Variants in GGA3 observed in about 807,000 individuals in gnomAD.
The protein encoded by GGA3 is golgi associated, gamma adaptin ear containing, ARF binding protein 3, also known as ADP-ribosylation factor-binding protein GGA3.
In GGA3, 57 loss-of-function variants were observed where a neutral mutation model predicts 77.5. The observed-to-expected ratio is 0.74, with a 90% CI of 0.59 to 0.92. GGA3 has a LOEUF of 0.92. Ranked by LOEUF, GGA3 falls within the 40% of genes least tolerant of loss-of-function variation. The probability of loss-of-function intolerance (pLI) is 0.00; values close to 1 mark genes in which losing one functional copy is unlikely to be tolerated. For synonymous variants in GGA3, 416 were observed against 383.7 expected (o/e 1.08, Z -0.98); for missense variants, 970 against 914.9 (o/e 1.06, Z -0.78).
At chr17:75,248,801 C>CAAAA in intron 1 of GGA3, 1 of 761,278 alleles carries the variant, frequency 1.3e-6, no homozygotes, top group Non-Finnish European at 1.4e-6. Context: ...AAAACAAAAA[C>CAAAA]AAAAACAAAA....
At position 75,237,905 on chromosome 17, in the gene GGA3, C is replaced by T; in HGVS notation, c.*374G>A. 1 of 1,328,982 alleles carries T rather than the reference C, an allele frequency of 7.5e-7. No homozygotes were observed. The highest frequency in any genetic ancestry group is 9.6e-7 in the Non-Finnish European group (1 of 1,041,382). The allele number at this position is 1,328,982 out of a possible 1,614,324, so 82.3% of individuals were successfully genotyped here. On this transcript the variant is annotated 3_prime_UTR_variant, in exon 17 of 17. Coordinates refer to ENST00000537686, the MANE Select transcript of GGA3 (RefSeq NM_138619.4). The stretch of plus-strand genomic sequence containing the variant: ...TGTGGGGAATGACCCATGACAGTCT[C>T]TCTTTAGAGACTCCCACCCCCCACC...
At chr17:75,243,717 TG>T in intron 4 of GGA3, 147 bp from the exon 5 acceptor site, 1 of 731,288 alleles carries the variant, frequency 1.4e-6, no homozygotes, top group Non-Finnish European at 2.2e-6. Context: ...TGAGACAGCG[TG>T]GGGAGGGGAA....
At chr17:75,261,959 G>T (rs774900439), upstream of GGA3, 1 of 1,607,286 alleles carries the variant, frequency 6.2e-7, no homozygotes, top group Admixed American at 1.7e-5. Context: ...TTGGGCGTGC[G>T]GCGGGCTGTC....
Position 75,239,992 on chromosome 17 carries a change from T to C in GGA3, c.1380A>G (p.Pro460=), listed in dbSNP as rs1269879560. Residue 460 remains proline (P), a synonymous_variant, in exon 13 of 17, where the codon CCA becomes CCG. Transcript: ENST00000537686. ...CAGGAGCTGGGAAGGGAGGCGGCAG[T>C]GGAGCTTGGGAGCTGCTTGAGGAGG... The part of the protein sequence containing the change: ...SAPSSSSSQA[P]LPPPFPAPVV... 10 of 1,555,938 alleles carry C rather than the reference T, an allele frequency of 6.4e-6. No individual in the cohort carries two copies. The highest frequency in any genetic ancestry group is 1.2e-5 in the South Asian group (1 of 84,908).
Position 75,238,744 on chromosome 17 carries a change from G to C in GGA3, c.1969C>G (p.Gln657Glu), listed in dbSNP as rs1427164025. The change falls in exon 16 of 17, where the codon CAG becomes GAG. Residue 657 changes from glutamine to glutamate, a missense_variant. Transcript: ENST00000537686. ...AVPKSMKVKL[Q>E]PPSGTELSPF... ...GAGAGTTCTGTCCCAGAAGGTGGCT[G>C]CAACTTCACTTTCATTGACTAAAGA... The C allele has an allele frequency of 1.9e-6, 3 of 1,613,122 alleles. No individual in the cohort carries two copies. The East Asian group carries it at 6.7e-5, about 36-fold the overall frequency.
chr17:75,243,300 A>T, intron 5 of GGA3, 134 bp from the exon 6 acceptor site: 2 of 1,154,930 alleles, frequency 1.7e-6, no homozygotes, highest in Non-Finnish European at 2.5e-6. Context: ...GCTACACCTT[A>T]TCCCATCCAA....
Position 75,244,615 on chromosome 17 carries a change from T to A in GGA3, c.300+4A>T. The stretch of plus-strand genomic sequence containing the variant: ...TAAAAGCGAGGAATCTGCCGCTGAC[T>A]GACCTTTGGAGAGACGACTTTGATT... On this transcript the variant is annotated splice_donor_region_variant and intron_variant, in intron 4 of 16. Coordinates refer to ENST00000537686, the MANE Select transcript of GGA3 (RefSeq NM_138619.4). 6.3e-7 allele frequency: 1 copy of A among 1,592,212 alleles called. No individual in the cohort carries two copies. The highest frequency in any genetic ancestry group is 2.2e-5 in the East Asian group (1 of 44,808).
rs759500242 is a variant in GGA3 at position 75,242,434 on chromosome 17, T to C, written c.649A>G (p.Thr217Ala). ...RIQKVTKRLHTLEEVNNNVRL... is the reference protein window; with the variant it reads ...RIQKVTKRLHALEEVNNNVRL... ...ACGTTGTTGTTAACTTCCTCTAACG[T>C]GTGCAGACGCTTGGTCACCTTCTGG... is the stretch of plus-strand genomic sequence containing the variant. The change falls in exon 8 of 17, where the codon ACG becomes GCG. Residue 217 changes from threonine (T) to alanine (A), a missense_variant. Coordinates refer to ENST00000537686, the MANE Select transcript of GGA3 (RefSeq NM_138619.4). 2.5e-6 allele frequency: 4 copies of C among 1,614,040 alleles called. No individual in the cohort carries two copies. In the Admixed American group the frequency reaches 6.7e-5, roughly 27 times the overall value.
In GGA3 at chr17:75,238,076, A is replaced by T. The variant is rs1212279860; in HGVS notation, c.*203T>A. The T allele has an allele frequency of 7.2e-7, 1 of 1,382,778 alleles. No individual in the cohort carries two copies. Among genetic ancestry groups the T allele is most frequent in the Non-Finnish European group, 9.3e-7 (1 of 1,071,260 alleles). The allele number at this position is 1,382,778 out of a possible 1,614,324, so 85.7% of individuals were successfully genotyped here. A position where few individuals can be genotyped will look rare whatever the true frequency, so the allele number is the denominator to read the frequency against. On this transcript the variant is annotated 3_prime_UTR_variant, in exon 17 of 17. Transcript: ENST00000537686. ...TATGGCCACTTCAAGTCACACAGGT[A>T]GATAAAAACAGGTCCTTTTAGGGGC...
intron 2 of GGA3, 25 bp from the exon 3 acceptor site, chr17:75,246,609 C>T (rs1168667294): frequency 1.2e-6 from 2 of 1,608,608 alleles, no homozygotes; most frequent in Admixed American, 3.3e-5. Flanking sequence ...GAACACACTC[C>T]AGTGCACTAA....
rs2076354658 is a variant in GGA3, at chr17:75,237,390, G to C, written c.*889C>G. ...ATGCCATCTGGTGAGAGGAGAGGGA[G>C]GCCAAAGCAGTAGGATGTAGAGTGG... On this transcript the variant is annotated 3_prime_UTR_variant, in exon 17 of 17. Transcript: ENST00000537686. 2.5e-6 allele frequency: 3 copies of C among 1,184,240 alleles called. No homozygotes were observed. The highest frequency in any genetic ancestry group is 4.0e-5 in the Admixed American group (2 of 50,502). 73.4% of individuals were successfully genotyped at this position (1,184,240 alleles called of 1,614,324 possible).
intron 1 of GGA3, among the ~76,000 whole-genome samples, chr17:75,258,754 T>TC (rs1163490312): frequency 6.6e-6 from 1 of 151,730 alleles, no homozygotes; most frequent in Non-Finnish European, 1.5e-5. Context: ...AGCCTTATCT[T>TC]CCCTCATTCC....
chr17:75,242,414 G>A lies in GGA3; in HGVS notation c.669C>T (p.Asn223=), dbSNP rs746876799. The A allele has an allele frequency of 1.2e-6, 2 of 1,614,054 alleles. No individual in the cohort carries two copies. The highest frequency in any genetic ancestry group is 2.2e-5 in the South Asian group (2 of 91,078). ...KRLHTLEEVN[N]NVRLLSEMLL... ...GCATCTCACTGAGCAGTCTCACGTT[G>A]TTGTTAACTTCCTCTAACGTGTGCA... The change falls in exon 8 of 17, where the codon AAC becomes AAT. Residue 223 remains asparagine (N), a synonymous_variant. Transcript: ENST00000537686.
Position 75,237,238 on chromosome 17 carries a change from C to T in GGA3, c.*1041G>A. Reference sequence around the variant, plus strand: ...ATCTCATCACCTCCAGACCCAACATCTCGCTGACAGTGCCCCTCAGTAGCT... The same window carrying T: ...ATCTCATCACCTCCAGACCCAACATTTCGCTGACAGTGCCCCTCAGTAGCT... On this transcript the variant is annotated 3_prime_UTR_variant, in exon 17 of 17. Transcript: ENST00000537686. 1 of 597,032 alleles carries T rather than the reference C, an allele frequency of 1.7e-6. No homozygotes were observed. Among genetic ancestry groups the T allele is most frequent in the Non-Finnish European group, 3.0e-6 (1 of 334,184 alleles). The allele number at this position is 597,032 out of a possible 1,614,324, so 37.0% of individuals were successfully genotyped here.
At chr17:75,243,598 A>C in intron 4 of GGA3, 28 bp from the exon 5 acceptor site, 1 of 1,611,536 alleles carries the variant, frequency 6.2e-7, no homozygotes, top group Non-Finnish European at 8.5e-7. Context: ...ATGAGGACCT[A>C]GTAAGTGCAG....
At position 75,242,493 on chromosome 17, in the gene GGA3, C is replaced by A; in HGVS notation, c.610-20G>T. 1 of 1,614,080 alleles carries A rather than the reference C, an allele frequency of 6.2e-7. No individual in the cohort carries two copies. Among genetic ancestry groups the A allele is most frequent in the Non-Finnish European group, 8.5e-7 (1 of 1,179,950 alleles). On this transcript the variant is annotated intron_variant, in intron 7 of 16. Coordinates refer to ENST00000537686, the MANE Select transcript of GGA3 (RefSeq NM_138619.4). ...CTCGTCCTGCCCCAGTGAAGAAGTT[C>A]AAGAGAAAGAGAGCGTCACTTGACT...
At chr17:75,253,741 G>T (rs550365958) in intron 1 of GGA3, among the ~76,000 whole-genome samples, 23 of 152,002 alleles carry the variant, frequency 1.5e-4, no homozygotes, top group Non-Finnish European at 2.8e-4. Context: ...TTTTCTGGAG[G>T]GTAAGAACCC....
chr17:75,261,861 G>A (rs1352387671), upstream of GGA3: 6 of 1,590,536 alleles, frequency 3.8e-6, no homozygotes, highest in Non-Finnish European at 5.1e-6. Flanking sequence ...GCTCAGGCGC[G>A]CCGAGGGCAG....
intron 13 of GGA3, 98 bp downstream of exon 13, chr17:75,239,691 T>C (rs978866190): frequency 8.0e-6 from 12 of 1,498,914 alleles, no homozygotes; most frequent in Non-Finnish European, 9.3e-6. Flanking sequence ...GCCTGACTGA[T>C]GGGACTACAA....
Sources: gnomAD v4.1 joint callset for allele counts (sites outside exome capture counted in the v4.1 genomes callset) on GRCh38, gnomAD v4.1.1 for gene constraint, MANE v1.5 for transcripts, NCBI Gene and HGNC (gene_info 2026-07-23, HGNC 2026-07-21) for gene names.